The following TIGD7 variants were observed in gnomAD, a reference collection of about 807,000 sequenced individuals.
TIGD7 encodes the protein tigger transposable element derived 7, also known as tigger transposable element-derived protein 7.
In TIGD7, 26 loss-of-function variants were observed where a neutral mutation model predicts 24.8. That is an observed-to-expected ratio of 1.05 (90% CI 0.77 to 1.45). The LOEUF is 1.45. TIGD7 is among the 40% of genes most tolerant of loss of function. The probability of loss-of-function intolerance (pLI) is 0.00; values close to 1 mark genes in which losing one functional copy is unlikely to be tolerated. For synonymous variants in TIGD7, 221 were observed against 224.1 expected, an observed-to-expected ratio of 0.99 and a Z score of 0.12; for missense variants, 679 against 641.6, an observed-to-expected ratio of 1.06 and a Z score of -0.63.
In TIGD7 at chr16:3,298,957, C is replaced by T; in HGVS notation, c.*8G>A. Reference sequence around the variant, plus strand: ...TCATATAATGGCAGAAATCTTTAAACACAAAATCTAATGATTAGAACCAGA... The same window carrying T: ...TCATATAATGGCAGAAATCTTTAAATACAAAATCTAATGATTAGAACCAGA... On this transcript the variant is annotated 3_prime_UTR_variant, in exon 2 of 2. Coordinates refer to ENST00000396862, the MANE Select transcript of TIGD7 (RefSeq NM_033208.4). 1 of 1,189,700 alleles carries T rather than the reference C, an allele frequency of 8.4e-7. No individual in the cohort carries two copies. Among genetic ancestry groups the T allele is most frequent in the Non-Finnish European group, 1.1e-6 (1 of 907,556 alleles). The allele number at this position is 1,189,700 out of a possible 1,614,324, so 73.7% of individuals were successfully genotyped here.
rs752644153 is a variant in TIGD7 at position 3,300,539 on chromosome 16, G to A, written c.76C>T (p.Arg26Ter). Reference protein sequence around the residue: ...MKVLSRIEAGRSLKSVMDEFG... With the variant: ...MKVLSRIEAG Reference sequence around the variant, plus strand: ...TCATCCATTACACTTTTAAGTGATCGTCCAGCTTCAATTCTACTTAGAACC... The same window carrying A: ...TCATCCATTACACTTTTAAGTGATCATCCAGCTTCAATTCTACTTAGAACC... Residue 26 changes from arginine (R) to a stop codon, truncating the protein, a stop_gained, in exon 2 of 2, where the codon CGA (arginine) becomes TGA (stop). Coordinates refer to ENST00000396862, the MANE Select transcript of TIGD7 (RefSeq NM_033208.4). LOFTEE classifies it high-confidence loss of function. 9.9e-6 allele frequency: 16 copies of A among 1,613,172 alleles called. No individual in the cohort carries two copies. The highest frequency in any genetic ancestry group is 3.3e-5 in the Admixed American group (2 of 59,848).
chr16:3,299,728 T>C lies in TIGD7; in HGVS notation c.887A>G (p.Asp296Gly). The change falls in exon 2 of 2, where the codon GAC becomes GGC. Residue 296 changes from aspartate to glycine, a missense_variant. By Grantham distance (94) the Asp-to-Gly change is moderately conservative (BLOSUM62 -1). Transcript: ENST00000396862. Reference protein sequence around the residue: ...DEDVRALLLLDSCPAHPSSES... With the variant: ...DEDVRALLLLGSCPAHPSSES... Reference sequence around the variant, plus strand: ...AGAGGAAGGATGAGCCGGGCAACTGTCCAGAAGTAACAATGCCCTGACGTC... The same window carrying C: ...AGAGGAAGGATGAGCCGGGCAACTGCCCAGAAGTAACAATGCCCTGACGTC... 1.3e-6 allele frequency: 2 copies of C among 1,540,736 alleles called. No homozygotes were observed. Among genetic ancestry groups the C allele is most frequent in the Non-Finnish European group, 8.7e-7 (1 of 1,148,712 alleles).
chr16:3,302,828 G>A (rs960791345), intron 1 of TIGD7, among the ~76,000 whole-genome samples: 2 of 147,796 alleles, frequency 1.4e-5, no homozygotes, highest in Non-Finnish European at 3.0e-5. Context: ...CAGCTGTGCC[G>A]TCGTCTTTTT....
Position 3,299,542 on chromosome 16 carries a change from T to C in TIGD7, c.1073A>G (p.Asp358Gly), listed in dbSNP as rs774093106. The change falls in exon 2 of 2, where the codon GAT (aspartate) becomes GGT (glycine). Residue 358 changes from aspartate (D) to glycine (G), a missense_variant. Physicochemically the swap from Asp to Gly is moderately conservative, Grantham distance 94. Coordinates refer to ENST00000396862, the MANE Select transcript of TIGD7 (RefSeq NM_033208.4). Reference protein sequence around the residue: ...EESLVIFEESDDEQEKGDKGV... With the variant: ...EESLVIFEESGDEQEKGDKGV... ...TTTATCTCCTTTCTCTTGCTCATCA[T>C]CACTTTCTTCAAATATTACAAGACT... 7.2e-6 allele frequency: 11 copies of C among 1,527,080 alleles called. No homozygotes were observed. In the East Asian group the frequency reaches 1.4e-4, roughly 19 times the overall value. 94.6% of individuals were successfully genotyped at this position (1,527,080 alleles called of 1,614,324 possible). A position where few individuals can be genotyped will look rare whatever the true frequency, so the allele number is the denominator to read the frequency against.
Position 3,300,881 on chromosome 16 carries a change from G to A in TIGD7, c.-267C>T, listed in dbSNP as rs1380679747. 5.5e-6 allele frequency: 2 copies of A among 366,492 alleles called. No individual in the cohort carries two copies. Among genetic ancestry groups the A allele is most frequent in the African/African-American group, 2.1e-5 (1 of 47,056 alleles). The allele number at this position is 366,492 out of a possible 1,614,324, so 22.7% of individuals were successfully genotyped here. ...GCAAGCCATGAGTGATCATTTTTCA[G>A]AATGCCCCCTACCTCTCCTCTCTTT... On this transcript the variant is annotated 5_prime_UTR_variant, in exon 2 of 2. Transcript: ENST00000396862.
chr16:3,298,858 C>T lies in TIGD7; in HGVS notation c.*107G>A, dbSNP rs1959843580. 2.4e-6 allele frequency: 1 copy of T among 420,694 alleles called. No homozygotes were observed. Among genetic ancestry groups the T allele is most frequent in the Non-Finnish European group, 4.2e-6 (1 of 238,782 alleles). 26.1% of individuals were successfully genotyped at this position (420,694 alleles called of 1,614,324 possible). On this transcript the variant is annotated 3_prime_UTR_variant, in exon 2 of 2. Transcript: ENST00000396862. ...TATTTTCAAACTGTAAATTTTATAA[C>T]CATTATATAAATGGGCACTGATATA...
In TIGD7 at chr16:3,299,820, C is replaced by G; in HGVS notation, c.795G>C (p.Trp265Cys). The G allele has an allele frequency of 6.3e-7, 1 of 1,588,790 alleles. No individual in the cohort carries two copies. The change falls in exon 2 of 2, where the codon TGG becomes TGC. Residue 265 changes from tryptophan to cysteine, a missense_variant. Trp to Cys is a radical substitution (Grantham distance 215). Coordinates refer to ENST00000396862, the MANE Select transcript of TIGD7 (RefSeq NM_033208.4). Reference protein sequence around the residue: ...VWFTRELFSEWFFQNFVPEVR... With the variant: ...VWFTRELFSECFFQNFVPEVR... The stretch of plus-strand genomic sequence containing the variant: ...CCTCAGGAACAAAGTTTTGAAAAAA[C>G]CATTCTGAAAACAATTCTCTGGTGA...
Position 3,299,780 on chromosome 16 carries a change from G to A in TIGD7, c.835C>T (p.Leu279Phe). 6.4e-7 allele frequency: 1 copy of A among 1,567,860 alleles called. No individual in the cohort carries two copies. Among genetic ancestry groups the A allele is most frequent in the Non-Finnish European group, 8.6e-7 (1 of 1,162,342 alleles). The change falls in exon 2 of 2, where the codon CTT becomes TTT. Residue 279 changes from leucine to phenylalanine, a missense_variant. Physicochemically the swap from Leu to Phe is conservative, Grantham distance 22 (BLOSUM62 0). Transcript: ENST00000396862. ...TCGTCATGAAATCTTAGAACATTAA[G>A]TTGAAAATGTCGGACCTCAGGAACA... is the stretch of plus-strand genomic sequence containing the variant. ...NFVPEVRHFQ[L>F]NVLRFHDEDV...
chr16:3,299,880 C>A lies in TIGD7; in HGVS notation c.735G>T (p.Leu245Phe). ...CTTTACTGGGTTTATATATCACAGGCAATGTACTTGTGTCCTCTTTCACAC... is the reference window on the plus strand; with the variant it reads ...CTTTACTGGGTTTATATATCACAGGAAATGTACTTGTGTCCTCTTTCACAC... Reference protein sequence around the residue: ...PKSVKEDTSTLPVIYKPSKDV... With the variant: ...PKSVKEDTSTFPVIYKPSKDV... Residue 245 changes from leucine (L) to phenylalanine (F), a missense_variant, in exon 2 of 2, where the codon TTG (leucine) becomes TTT (phenylalanine). Physicochemically the swap from Leu to Phe is conservative, Grantham distance 22. Transcript: ENST00000396862. The A allele has an allele frequency of 6.2e-7, 1 of 1,602,580 alleles. No homozygotes were observed. Among genetic ancestry groups the A allele is most frequent in the Non-Finnish European group, 8.5e-7 (1 of 1,174,662 alleles).
rs1959876602 is a variant in TIGD7, at chr16:3,299,692, G to GT, written c.922dup (p.Thr308AsnfsTer3). The GT allele has an allele frequency of 1.3e-6, 2 of 1,540,334 alleles. No homozygotes were observed. Among genetic ancestry groups the GT allele is most frequent in the African/African-American group, 2.8e-5 (2 of 72,174 alleles). ...ACATTTTATTCGACCATCCTCACTG[G>GT]TTAGGGATTCAGAGGAAGGATGAGC... On this transcript the variant is annotated frameshift_variant, in exon 2 of 2. Transcript: ENST00000396862. LOFTEE classifies it low-confidence loss of function (END_TRUNC).
chr16:3,299,111 A>G lies in TIGD7; in HGVS notation c.1504T>C (p.Phe502Leu), dbSNP rs925411763. 6.9e-7 allele frequency: 1 copy of G among 1,458,674 alleles called. No individual in the cohort carries two copies. The highest frequency in any genetic ancestry group is 1.8e-4 in the Middle Eastern group (1 of 5,464). The allele number at this position is 1,458,674 out of a possible 1,614,324, so 90.4% of individuals were successfully genotyped here. A position where few individuals can be genotyped will look rare whatever the true frequency, so the allele number is the denominator to read the frequency against. Reference sequence around the variant, plus strand: ...TCTTGTTGCATCTCTTTCAGTGTGAAGTGGAATCTCTGAAACTCAGGTGTG... The same window carrying G: ...TCTTGTTGCATCTCTTTCAGTGTGAGGTGGAATCTCTGAAACTCAGGTGTG... ...DATPEFQRFH[F>L]TLKEMQQEIV... Residue 502 changes from phenylalanine to leucine, a missense_variant, in exon 2 of 2, where the codon TTC becomes CTC. Coordinates refer to ENST00000396862, the MANE Select transcript of TIGD7 (RefSeq NM_033208.4).
Position 3,300,268 on chromosome 16 carries a change from C to T in TIGD7, c.347G>A (p.Arg116Gln), listed in dbSNP as rs200256371. ...ACCAGTGCTAGCTTTGAAATCTGTTCGCCCAAAACACCGTGCAAATCTCTC... is the reference window on the plus strand; with the variant it reads ...ACCAGTGCTAGCTTTGAAATCTGTTTGCCCAAAACACCGTGCAAATCTCTC... ...AAERFARCFGRTDFKASTGWL... is the reference protein window; with the variant it reads ...AAERFARCFGQTDFKASTGWL... Residue 116 changes from arginine (R) to glutamine (Q), a missense_variant, in exon 2 of 2, where the codon CGA (arginine) becomes CAA (glutamine). Physicochemically the swap from Arg to Gln is conservative, Grantham distance 43. Transcript: ENST00000396862. The T allele has an allele frequency of 7.8e-5, 126 of 1,614,210 alleles. No homozygotes were observed. The African/African-American group carries it at 1.6e-3, about 20-fold the overall frequency.
At position 3,300,298 on chromosome 16, in the gene TIGD7, G is replaced by A. The variant is rs780312624; in HGVS notation, c.317C>T (p.Ala106Val). The change falls in exon 2 of 2, where the codon GCT (alanine) becomes GTT (valine). Residue 106 changes from alanine (A) to valine (V), a missense_variant. Transcript: ENST00000396862. Reference sequence around the variant, plus strand: ...AAAACACCGTGCAAATCTCTCTGCAGCAGCCTGAAGCTCCACGCCTCTTAC... The same window carrying A: ...AAAACACCGTGCAAATCTCTCTGCAACAGCCTGAAGCTCCACGCCTCTTAC... ...VPVRGVELQA[A>V]AERFARCFGR... The A allele has an allele frequency of 3.1e-6, 5 of 1,614,192 alleles. No homozygotes were observed. Among genetic ancestry groups the A allele is most frequent in the Non-Finnish European group, 4.2e-6 (5 of 1,180,050 alleles).
At position 3,305,114 on chromosome 16, in the gene TIGD7, G is replaced by C. The variant is rs570781613; in HGVS notation, c.-1396+98C>G. ...GACCCGGACAAAATGCCTCTTCCTC[G>C]AGGAGGCGGCGACGAGCCCAGCAAC... On this transcript the variant is annotated intron_variant, in intron 1 of 1. Coordinates refer to ENST00000396862, the MANE Select transcript of TIGD7 (RefSeq NM_033208.4). 2.0e-5 allele frequency: 3 copies of C among 152,372 alleles called. No homozygotes were observed. In the South Asian group the frequency reaches 6.2e-4, roughly 32 times the overall value. 9.4% of individuals were successfully genotyped at this position (152,372 alleles called of 1,614,324 possible).
rs931422036 is a variant in TIGD7 at position 3,299,698 on chromosome 16, G to T, written c.917C>A (p.Ser306Tyr). The T allele has an allele frequency of 1.3e-6, 2 of 1,538,556 alleles. No homozygotes were observed. Among genetic ancestry groups the T allele is most frequent in the East Asian group, 4.5e-5 (2 of 44,330 alleles). The change falls in exon 2 of 2, where the codon TCC (serine) becomes TAC (tyrosine). Residue 306 changes from serine to tyrosine, a missense_variant. Physicochemically the swap from Ser to Tyr is moderately radical, Grantham distance 144 (BLOSUM62 -2). Coordinates refer to ENST00000396862, the MANE Select transcript of TIGD7 (RefSeq NM_033208.4). ...TATTCGACCATCCTCACTGGTTAGGGATTCAGAGGAAGGATGAGCCGGGCA... is the reference window on the plus strand; with the variant it reads ...TATTCGACCATCCTCACTGGTTAGGTATTCAGAGGAAGGATGAGCCGGGCA... ...DSCPAHPSSE[S>Y]LTSEDGRIKC...
In TIGD7 at chr16:3,299,858, T is replaced by G. The variant is rs368877455; in HGVS notation, c.757A>C (p.Lys253Gln). Residue 253 changes from lysine to glutamine, a missense_variant, in exon 2 of 2, where the codon AAA becomes CAA. Physicochemically the swap from Lys to Gln is moderately conservative, Grantham distance 53. Transcript: ENST00000396862. ...STLPVIYKPS[K>Q]DVWFTRELFS... Reference sequence around the variant, plus strand: ...AATTCTCTGGTGAACCAAACATCTTTACTGGGTTTATATATCACAGGCAAT... The same window carrying G: ...AATTCTCTGGTGAACCAAACATCTTGACTGGGTTTATATATCACAGGCAAT... The G allele has an allele frequency of 2.3e-5, 37 of 1,594,442 alleles. No homozygotes were observed. The highest frequency in any genetic ancestry group is 3.0e-5 in the Non-Finnish European group (35 of 1,171,850).
rs758155241 is a variant in TIGD7 at position 3,299,182 on chromosome 16, G to A, written c.1433C>T (p.Ser478Phe). 5.0e-6 allele frequency: 8 copies of A among 1,591,532 alleles called. No homozygotes were observed. The South Asian group carries it at 8.1e-5, about 16-fold the overall frequency. ...GTAGTCCAAACTCTCTCTTACAGCA[G>A]ATAATTTAAATTCAGCAGTCTGCTT... ...AEKQTAEFKL[S>F]AVRESLDYLL... Residue 478 changes from serine to phenylalanine, a missense_variant, in exon 2 of 2, where the codon TCT becomes TTT. Transcript: ENST00000396862.
chr16:3,300,041 G>C lies in TIGD7; in HGVS notation c.574C>G (p.Gln192Glu), dbSNP rs774218849. ...AGGCAGATATCTTTCCTACTTGCCT[G>C]AGAATTTTCTGGCATTGACTTCCAA... ...LFWKSMPENS[Q>E]ASRKDICLPG... The change falls in exon 2 of 2, where the codon CAG (glutamine) becomes GAG (glutamate). Residue 192 changes from glutamine to glutamate, a missense_variant. Physicochemically the swap from Gln to Glu is conservative, Grantham distance 29 (BLOSUM62 2). Transcript: ENST00000396862. 88 of 1,614,162 alleles carry C rather than the reference G, an allele frequency of 5.5e-5. No homozygotes were observed. Among genetic ancestry groups the C allele is most frequent in the Non-Finnish European group, 7.4e-5 (87 of 1,180,016 alleles).
chr16:3,298,950 C>G lies in TIGD7; in HGVS notation c.*15G>C, dbSNP rs377637766. On this transcript the variant is annotated 3_prime_UTR_variant, in exon 2 of 2. Coordinates refer to ENST00000396862, the MANE Select transcript of TIGD7 (RefSeq NM_033208.4). ...GCCTACATCATATAATGGCAGAAATCTTTAAACACAAAATCTAATGATTAG... is the reference window on the plus strand; with the variant it reads ...GCCTACATCATATAATGGCAGAAATGTTTAAACACAAAATCTAATGATTAG... 16 of 1,160,882 alleles carry G rather than the reference C, an allele frequency of 1.4e-5. No individual in the cohort carries two copies. The African/African-American group carries it at 1.9e-4, about 14-fold the overall frequency. 71.9% of individuals were successfully genotyped at this position (1,160,882 alleles called of 1,614,324 possible).
Sources: allele counts gnomAD v4.1 joint callset (sites outside exome capture counted in the v4.1 genomes callset), GRCh38; gene constraint gnomAD v4.1.1; transcripts MANE v1.5; gene names NCBI Gene and HGNC (gene_info 2026-07-23, HGNC 2026-07-21).